The following CSNK1D variants were observed in gnomAD, a reference collection of about 807,000 sequenced individuals.
The protein encoded by CSNK1D is casein kinase 1 delta, also known as casein kinase I isoform delta.
Under a neutral mutation model 46.6 loss-of-function variants are expected in CSNK1D, and 16 were observed. The ratio of observed to expected loss-of-function variants is 0.34; its 90% confidence interval spans 0.23 to 0.52. CSNK1D has a LOEUF of 0.52. CSNK1D is among the 20% of genes least tolerant of loss of function. The probability of loss-of-function intolerance (pLI) is 0.95; values close to 1 mark genes in which losing one functional copy is unlikely to be tolerated. For missense variants in CSNK1D, 398 were observed against 578.4 expected, an observed-to-expected ratio of 0.69 and a Z score of 3.20; for synonymous variants, 276 against 228.2, an observed-to-expected ratio of 1.21 and a Z score of -1.89.
At chr17:82,240,589 C>T (rs756432222), downstream of CSNK1D, among the ~76,000 whole-genome samples, 25 of 152,176 alleles carry the variant, frequency 1.6e-4, no homozygotes, top group Non-Finnish European at 3.1e-4. Flanking sequence ...CCTCACCCTC[C>T]CCTAGGCAGG....
chr17:82,244,498 G>A lies in CSNK1D; in HGVS notation c.*283C>T, dbSNP rs1410098864. 1.4e-6 allele frequency: 2 copies of A among 1,405,666 alleles called. No individual in the cohort carries two copies. Among genetic ancestry groups the A allele is most frequent in the Non-Finnish European group, 1.9e-6 (2 of 1,077,262 alleles). The allele number at this position is 1,405,666 out of a possible 1,614,324, so 87.1% of individuals were successfully genotyped here. On this transcript the variant is annotated 3_prime_UTR_variant, in exon 9 of 9. Coordinates refer to ENST00000314028, the MANE Select transcript of CSNK1D (RefSeq NM_001893.6). ...CACCACTGGAGGGAGCTGAGGCCCTGGAAAAGGAGTCTGATTCTCTGCAAT... is the reference window on the plus strand; with the variant it reads ...CACCACTGGAGGGAGCTGAGGCCCTAGAAAAGGAGTCTGATTCTCTGCAAT...
At position 82,250,325 on chromosome 17, in the gene CSNK1D, A is replaced by G. The variant is rs1446365066; in HGVS notation, c.886-723T>C. The G allele has an allele frequency of 4.5e-6, 3 of 662,640 alleles. No individual in the cohort carries two copies. The highest frequency in any genetic ancestry group is 7.0e-6 in the Non-Finnish European group (3 of 428,788). 41.0% of individuals were successfully genotyped at this position (662,640 alleles called of 1,614,324 possible). Reference sequence around the variant, plus strand: ...TTCACCAGGCAACACACAGACCGACACACCTGCGGCTGCAGCACCGTGCGG... The same window carrying G: ...TTCACCAGGCAACACACAGACCGACGCACCTGCGGCTGCAGCACCGTGCGG... On this transcript the variant is annotated intron_variant, in intron 6 of 8. Coordinates refer to ENST00000314028, the MANE Select transcript of CSNK1D (RefSeq NM_001893.6). The surrounding 1 kb of genome is among the most constrained non-coding windows in gnomAD (Gnocchi z 4.6).
chr17:82,247,812 C>T (rs1476439784), intron 8 of CSNK1D: 2 of 985,462 alleles, frequency 2.0e-6, no homozygotes, highest in Non-Finnish European at 2.4e-6. Flanking sequence ...AAGCCAAAAT[C>T]CCTGCATCTT....
At chr17:82,258,156 G>A (rs1421392023) in intron 2 of CSNK1D, among the ~76,000 whole-genome samples, 2 of 148,064 alleles carry the variant, frequency 1.4e-5, no homozygotes, top group Non-Finnish European at 1.5e-5. Context: ...GCAGTGAGCC[G>A]TGATTGCACC....
intron 2 of CSNK1D, among the ~76,000 whole-genome samples, chr17:82,260,341 CTGACTGATG>C (rs1261584242): frequency 1.5e-5 from 2 of 137,342 alleles, no homozygotes; most frequent in East Asian, 2.0e-4. Flanking sequence ...TGATGGTGTA[CTGACTGATG>C]TGACTGATGG....
chr17:82,247,929 C>G, intron 8 of CSNK1D: 1 of 985,472 alleles, frequency 1.0e-6, no homozygotes, highest in Non-Finnish European at 1.2e-6. Context: ...GGCAAGTGGT[C>G]AAGAGTGCTC....
intron 8 of CSNK1D, chr17:82,247,074 C>A: frequency 1.0e-6 from 1 of 985,516 alleles, no homozygotes; most frequent in Non-Finnish European, 1.2e-6. Context: ...GAGCCCTCAA[C>A]ATGCCTCTCA....
rs1426087881 is a variant in CSNK1D, at chr17:82,243,368, T to TG, written c.*1412dup. ...CACGAACACAGACTGCCCTGCGCAT[T>TG]GGGGTTGGGAGCACATGGCCACTGG... is the stretch of plus-strand genomic sequence containing the variant. On this transcript the variant is annotated 3_prime_UTR_variant, in exon 9 of 9. Transcript: ENST00000314028. The TG allele has an allele frequency of 1.0e-6, 1 of 985,434 alleles. No homozygotes were observed. The highest frequency in any genetic ancestry group is 1.7e-5 in the African/African-American group (1 of 57,320). The allele number at this position is 985,434 out of a possible 1,614,324, so 61.0% of individuals were successfully genotyped here. A position where few individuals can be genotyped will look rare whatever the true frequency, so the allele number is the denominator to read the frequency against.
intron 8 of CSNK1D, chr17:82,246,890 G>C (rs1416100020): frequency 1.8e-5 from 18 of 985,778 alleles, no homozygotes; most frequent in Non-Finnish European, 2.2e-5. Context: ...CGAGCAAACA[G>C]GTGAGGCGCT....
chr17:82,253,771 C>T (rs913019831), intron 3 of CSNK1D: 7 of 311,334 alleles, frequency 2.2e-5, no homozygotes, highest in African/African-American at 9.3e-5. Context: ...TGAACTGAGC[C>T]GCCGGAGCCT....
chr17:82,247,911 TA>T, intron 8 of CSNK1D: 1 of 985,474 alleles, frequency 1.0e-6, no homozygotes, highest in Middle Eastern at 5.2e-4. Context: ...CCCCAATCAT[TA>T]AAAGACGGCA....
At chr17:82,245,010 G>C in intron 8 of CSNK1D, 179 bp from the exon 9 acceptor site, 1 of 750,498 alleles carries the variant, frequency 1.3e-6, no homozygotes, top group Non-Finnish European at 2.2e-6. Flanking sequence ...GTGCTCAGCA[G>C]AACGAGTGAC....
At chr17:82,261,564 C>CT (rs2051340677) in intron 2 of CSNK1D, among the ~76,000 whole-genome samples, 1 of 152,248 alleles carries the variant, frequency 6.6e-6, no homozygotes, top group Admixed American at 6.5e-5. Context: ...ATTTATATAA[C>CT]TAAAATGTTT....
chr17:82,270,776 C>T (rs1357701357), intron 1 of CSNK1D, among the ~76,000 whole-genome samples: 1 of 152,158 alleles, frequency 6.6e-6, no homozygotes, highest in African/African-American at 2.4e-5. Context: ...TGTGCCTAAC[C>T]CCACTCAAGT....
chr17:82,260,523 T>C (rs1050967513), intron 2 of CSNK1D, among the ~76,000 whole-genome samples: 10 of 149,838 alleles, frequency 6.7e-5, no homozygotes, highest in African/African-American at 1.5e-4. Flanking sequence ...TACTGAGTGA[T>C]GTGACTGATG....
In CSNK1D at chr17:82,243,755, C is replaced by T. The variant is rs934448320; in HGVS notation, c.*1026G>A. 10 of 985,330 alleles carry T rather than the reference C, an allele frequency of 1.0e-5. No individual in the cohort carries two copies. The highest frequency in any genetic ancestry group is 4.7e-5 in the South Asian group (1 of 21,296). The allele number at this position is 985,330 out of a possible 1,614,324, so 61.0% of individuals were successfully genotyped here. A position where few individuals can be genotyped will look rare whatever the true frequency, so the allele number is the denominator to read the frequency against. Reference sequence around the variant, plus strand: ...CATTCATACAGACGGAGTGCCAATCCGCACAGGAGCATTGAGTGCTGAGAA... The same window carrying T: ...CATTCATACAGACGGAGTGCCAATCTGCACAGGAGCATTGAGTGCTGAGAA... On this transcript the variant is annotated 3_prime_UTR_variant, in exon 9 of 9. Coordinates refer to ENST00000314028, the MANE Select transcript of CSNK1D (RefSeq NM_001893.6).
rs1446365066 is a variant in CSNK1D, at chr17:82,250,325, A to T, written c.886-723T>A. The T allele has an allele frequency of 4.5e-6, 3 of 662,640 alleles. No homozygotes were observed. The highest frequency in any genetic ancestry group is 7.0e-6 in the Non-Finnish European group (3 of 428,788). The allele number at this position is 662,640 out of a possible 1,614,324, so 41.0% of individuals were successfully genotyped here. ...TTCACCAGGCAACACACAGACCGACACACCTGCGGCTGCAGCACCGTGCGG... is the reference window on the plus strand; with the variant it reads ...TTCACCAGGCAACACACAGACCGACTCACCTGCGGCTGCAGCACCGTGCGG... On this transcript the variant is annotated intron_variant, in intron 6 of 8. Coordinates refer to ENST00000314028, the MANE Select transcript of CSNK1D (RefSeq NM_001893.6). The surrounding 1 kb of genome is among the most constrained non-coding windows in gnomAD (Gnocchi z 4.6).
intron 3 of CSNK1D, chr17:82,254,806 G>T: frequency 7.8e-6 from 2 of 257,804 alleles, no homozygotes; most frequent in South Asian, 2.9e-5. Flanking sequence ...CAGCTGAGCC[G>T]CCGGGGCCTC....
chr17:82,257,084 T>C (rs2051192586), intron 2 of CSNK1D, among the ~76,000 whole-genome samples: 1 of 152,184 alleles, frequency 6.6e-6, no homozygotes, highest in South Asian at 2.1e-4. Flanking sequence ...CTCAGCCTCC[T>C]GAGTAGGTAG....
Sources: gnomAD v4.1 joint callset for allele counts (sites outside exome capture counted in the v4.1 genomes callset) on GRCh38, gnomAD v4.1.1 for gene constraint, Gnocchi (gnomAD v3.1) non-coding constraint, MANE v1.5 for transcripts, NCBI Gene and HGNC (gene_info 2026-07-23, HGNC 2026-07-21) for gene names.